Variants in IL2RA observed in about 807,000 individuals in gnomAD.
IL2RA encodes interleukin 2 receptor subunit alpha, also known as interleukin-2 receptor subunit alpha.
Under a neutral mutation model 37.8 loss-of-function variants are expected in IL2RA, and 24 were observed. That is an observed-to-expected ratio of 0.63 (90% CI 0.46 to 0.89). IL2RA has a LOEUF of 0.89. Among genes scored for constraint, IL2RA ranks in the 40% least tolerant of loss-of-function variants. IL2RA has a pLI of 0.00. For synonymous variants in IL2RA, 125 were observed against 114.6 expected, an observed-to-expected ratio of 1.09 and a Z score of -0.58; for missense variants, 319 against 348.6, an observed-to-expected ratio of 0.92 and a Z score of 0.68.
intron 1 of IL2RA, among the ~76,000 whole-genome samples, chr10:6,037,503 A>G (rs1257628063): frequency 6.6e-6 from 1 of 152,166 alleles, no homozygotes; most frequent in Admixed American, 6.5e-5. Flanking sequence ...ACTTGTACCC[A>G]GTGAAGATTA....
chr10:6,050,550 A>C (rs1564552150), intron 1 of IL2RA, among the ~76,000 whole-genome samples: 1 of 152,210 alleles, frequency 6.6e-6, no homozygotes, highest in Non-Finnish European at 1.5e-5. Flanking sequence ...AGGCTGAGGC[A>C]TGAGAATCTC....
intron 2 of IL2RA, among the ~76,000 whole-genome samples, chr10:6,024,770 A>T (rs1263903730): frequency 6.6e-6 from 1 of 152,176 alleles, no homozygotes; most frequent in Non-Finnish European, 1.5e-5. Context: ...CAACACACTG[A>T]TCCTTTGCTC....
chr10:6,045,831 G>A (rs11256497), intron 1 of IL2RA, among the ~76,000 whole-genome samples: 42,468 of 152,014 alleles, frequency 0.28, 7,253 homozygotes, highest in Middle Eastern at 0.48. Flanking sequence ...AAGAAACACA[G>A]AATAAGTAAG....
In IL2RA at chr10:6,024,039, G is replaced by A. The variant is rs560262020; in HGVS notation, c.367+205C>T. On this transcript the variant is annotated intron_variant, in intron 3 of 7. Coordinates refer to ENST00000379959, the MANE Select transcript of IL2RA (RefSeq NM_000417.3). ...TAAGCCCAGACCTGGATTGGCTGCC[G>A]TCAGATTGGCTTTAGTTGCTGAGCA... Among the ~76,000 whole-genome samples, 48 of 152,268 alleles carry A rather than the reference G, an allele frequency of 3.2e-4. No individual in the cohort carries two copies. The South Asian group carries it at 3.3e-3, about 11-fold the overall frequency.
At chr10:6,040,899 A>G (rs1025746548) in intron 1 of IL2RA, among the ~76,000 whole-genome samples, 3 of 151,568 alleles carry the variant, frequency 2.0e-5, no homozygotes, top group Admixed American at 2.0e-4. Flanking sequence ...AGGTGGCCAG[A>G]TAGAAAATTC....
chr10:6,051,812 C>T (rs1325828420), intron 1 of IL2RA, among the ~76,000 whole-genome samples: 2 of 11,242 alleles, frequency 1.8e-4, no homozygotes, highest in African/African-American at 4.6e-4. Context: ...AGCCATCATG[C>T]CCAGCTATAT....
intron 1 of IL2RA, among the ~76,000 whole-genome samples, chr10:6,059,644 A>G (rs1219625324): frequency 5.9e-5 from 9 of 152,020 alleles, no homozygotes; most frequent in African/African-American, 1.9e-4. Context: ...TGAATTCCCC[A>G]TATCCCCACC....
In IL2RA at chr10:6,054,494, T is replaced by C. The variant is rs1488405209; in HGVS notation, c.64+7594A>G. Among the ~76,000 whole-genome samples the C allele has an allele frequency of 6.6e-6, 1 of 152,184 alleles. No homozygotes were observed. Among genetic ancestry groups the C allele is most frequent in the Non-Finnish European group, 1.5e-5 (1 of 68,032 alleles). Reference sequence around the variant, plus strand: ...CATGCTGTCTGTCTGAGCAAAAGTATTCGTTTTTGTCCGAGAATCTGAGAC... The same window carrying C: ...CATGCTGTCTGTCTGAGCAAAAGTACTCGTTTTTGTCCGAGAATCTGAGAC... On this transcript the variant is annotated intron_variant, in intron 1 of 7. Transcript: ENST00000379959. The surrounding 1 kb of genome is among the most constrained non-coding windows in gnomAD (Gnocchi z 4.5).
At chr10:6,051,843 A>ATATATATATATATATATATATATATAT (rs1839968057) in intron 1 of IL2RA, among the ~76,000 whole-genome samples, 2 of 128,064 alleles carry the variant, frequency 1.6e-5, no homozygotes, top group Non-Finnish European at 3.3e-5. Flanking sequence ...ATATATATAT[A>ATATATATATATATATATATATATATAT]GAATTTTTTA....
chr10:6,051,509 ATATATATATTTTTTTTC>A (rs1479522397), intron 1 of IL2RA, among the ~76,000 whole-genome samples: 1 of 96,470 alleles, frequency 1.0e-5, no homozygotes, highest in Non-Finnish European at 2.0e-5. Flanking sequence ...ATATATATAT[ATATATATATTTTTTTTC>A]TTTTTTTTTT....
intron 6 of IL2RA, 109 bp downstream of exon 6, chr10:6,019,319 C>G (rs1839338715): frequency 2.4e-6 from 2 of 845,744 alleles, no homozygotes; most frequent in South Asian, 2.6e-5. Context: ...TACCAGTCAA[C>G]CAACTAACCA....
Position 6,035,761 on chromosome 10 carries a change from C to T in IL2RA, c.65-9736G>A, listed in dbSNP as rs545480259. ...GACCCACACCAAGACAGAGTCAAAC[C>T]GAGTTCTTCTAGTGTTGAGCGTGTT... is the stretch of plus-strand genomic sequence containing the variant. On this transcript the variant is annotated intron_variant, in intron 1 of 7. Transcript: ENST00000379959. This position sits in a 1 kb window ranked among gnomAD's most constrained non-coding sequence, Gnocchi z 5.4. Among the ~76,000 whole-genome samples, 15 of 152,160 alleles carry T rather than the reference C, an allele frequency of 9.9e-5. No homozygotes were observed. The highest frequency in any genetic ancestry group is 1.6e-4 in the Non-Finnish European group (11 of 68,010).
Position 6,028,216 on chromosome 10 carries a change from T to C in IL2RA, c.65-2191A>G, listed in dbSNP as rs1421913425. On this transcript the variant is annotated intron_variant, in intron 1 of 7. Transcript: ENST00000379959. The surrounding 1 kb of genome is among the most constrained non-coding windows in gnomAD (Gnocchi z 4.1). ...ATGACTGGGATTTGTGGGGTGGGGCTCTGGAGAGGACACTGCATGAAGGTC... is the reference window on the plus strand; with the variant it reads ...ATGACTGGGATTTGTGGGGTGGGGCCCTGGAGAGGACACTGCATGAAGGTC... 6.6e-6 allele frequency among the ~76,000 whole-genome samples: 1 copy of C among 151,946 alleles called. No individual in the cohort carries two copies. Among genetic ancestry groups the C allele is most frequent in the Non-Finnish European group, 1.5e-5 (1 of 68,010 alleles).
rs1041687035 is a variant in IL2RA, at chr10:6,020,897, C to G, written c.583+581G>C. ...ATTTCAGAAGGAAGACAGCAGGAGA[C>G]CTCGACATCGGTGGGCTGAGCATTT... On this transcript the variant is annotated intron_variant, in intron 4 of 7. Transcript: ENST00000379959. The surrounding 1 kb of genome is among the most constrained non-coding windows in gnomAD (Gnocchi z 5.6). Among the ~76,000 whole-genome samples the G allele has an allele frequency of 1.3e-5, 2 of 151,824 alleles. No homozygotes were observed. The highest frequency in any genetic ancestry group is 2.9e-5 in the Non-Finnish European group (2 of 67,998).
At chr10:6,041,589 TC>T (rs1839772940) in intron 1 of IL2RA, among the ~76,000 whole-genome samples, 1 of 151,996 alleles carries the variant, frequency 6.6e-6, no homozygotes, top group Admixed American at 6.6e-5. Context: ...CATAAATAAG[TC>T]CAAATGTAGT....
At chr10:6,050,366 G>C (rs1281457480) in intron 1 of IL2RA, among the ~76,000 whole-genome samples, 4 of 152,196 alleles carry the variant, frequency 2.6e-5, no homozygotes, top group Non-Finnish European at 5.9e-5. Context: ...GCAGGGCGTG[G>C]TGGCTCAAGC....
rs759459551 is a variant in IL2RA, at chr10:6,025,812, T to C, written c.256+22A>G. ...TTTGCTGCAGTTCTTTTGTTCTTGG[T>C]AGTCACAGAAGGGACACTTACCAGA... is the stretch of plus-strand genomic sequence containing the variant. On this transcript the variant is annotated intron_variant, in intron 2 of 7. Transcript: ENST00000379959. The surrounding 1 kb of genome is among the most constrained non-coding windows in gnomAD (Gnocchi z 4.4). 6.2e-7 allele frequency: 1 copy of C among 1,611,550 alleles called. No individual in the cohort carries two copies. Among genetic ancestry groups the C allele is most frequent in the Non-Finnish European group, 8.5e-7 (1 of 1,177,698 alleles).
rs1840041281 is a variant in IL2RA at position 6,056,054 on chromosome 10, C to G, written c.64+6034G>C. Among the ~76,000 whole-genome samples the G allele has an allele frequency of 6.6e-6, 1 of 152,200 alleles. No homozygotes were observed. Among genetic ancestry groups the G allele is most frequent in the Non-Finnish European group, 1.5e-5 (1 of 68,040 alleles). ...AGTCGCCTTGAGATCAGTCAAAACA[C>G]TGAGTAATCTTAGAGTGGAGAATAC... On this transcript the variant is annotated intron_variant, in intron 1 of 7. Transcript: ENST00000379959. This position sits in a 1 kb window ranked among gnomAD's most constrained non-coding sequence, Gnocchi z 5.0.
At chr10:6,053,999 A>G (rs1840005186) in intron 1 of IL2RA, among the ~76,000 whole-genome samples, 1 of 152,232 alleles carries the variant, frequency 6.6e-6, no homozygotes, top group Non-Finnish European at 1.5e-5. Flanking sequence ...CTACTGGCAC[A>G]GGATGTCAAT....
Sources: allele counts gnomAD v4.1 joint callset (sites outside exome capture counted in the v4.1 genomes callset), GRCh38; gene constraint gnomAD v4.1.1; non-coding constraint Gnocchi (gnomAD v3.1); transcripts MANE v1.5; gene names NCBI Gene and HGNC (gene_info 2026-07-23, HGNC 2026-07-21).